Variants in SLC25A21 observed in about 807,000 individuals in gnomAD.
The protein encoded by SLC25A21 is solute carrier family 25 member 21.
A neutral mutation model predicts 43.8 loss-of-function variants in SLC25A21; 47 were observed. The observed-to-expected ratio is 1.07, with a 90% CI of 0.85 to 1.37. SLC25A21 has a LOEUF of 1.37. SLC25A21 is among the 40% of genes most tolerant of loss of function. The probability of loss-of-function intolerance (pLI) is 0.00; values close to 1 mark genes in which losing one functional copy is unlikely to be tolerated. For synonymous variants in SLC25A21, 131 were observed against 121.3 expected (o/e 1.08, Z -0.52); for missense variants, 352 against 350.2 (o/e 1.00, Z -0.04).
intron 7 of SLC25A21, among the ~76,000 whole-genome samples, chr14:36,698,945 T>C (rs1566509074): frequency 6.6e-6 from 1 of 152,170 alleles, no homozygotes; most frequent in African/African-American, 2.4e-5. Flanking sequence ...TCATTCTCCG[T>C]TCAGCTTTGT....
intron 1 of SLC25A21, among the ~76,000 whole-genome samples, chr14:37,107,515 C>T (rs1230018430): frequency 6.6e-6 from 1 of 151,994 alleles, no homozygotes; most frequent in Non-Finnish European, 1.5e-5. Flanking sequence ...TGGCTTTTAA[C>T]ATTTCCTATT....
chr14:36,715,246 A>G (rs1465110885), intron 6 of SLC25A21, among the ~76,000 whole-genome samples: 1 of 152,224 alleles, frequency 6.6e-6, no homozygotes, highest in Non-Finnish European at 1.5e-5. Flanking sequence ...TAATAGTATG[A>G]TAGTGTGTTT....
At chr14:36,959,279 CTTTG>C (rs906064358) in intron 1 of SLC25A21, among the ~76,000 whole-genome samples, 3 of 152,198 alleles carry the variant, frequency 2.0e-5, no homozygotes, top group Non-Finnish European at 4.4e-5. Flanking sequence ...GGGTTGCCTG[CTTTG>C]ACTGTTAGAT....
intron 1 of SLC25A21, among the ~76,000 whole-genome samples, chr14:37,124,063 T>A (rs981138248): frequency 1.3e-5 from 2 of 151,074 alleles, no homozygotes; most frequent in African/African-American, 4.9e-5. Flanking sequence ...CAGGCTGGAG[T>A]GCAGTGGTGC....
intron 1 of SLC25A21, among the ~76,000 whole-genome samples, chr14:37,137,639 T>C (rs17106412): frequency 0.029 from 4,405 of 152,328 alleles, 145 homozygotes; most frequent in Admixed American, 0.094. Flanking sequence ...TACTACATTG[T>C]AGGATCATGA....
intron 1 of SLC25A21, among the ~76,000 whole-genome samples, chr14:36,926,683 G>A (rs537056802): frequency 6.6e-6 from 1 of 152,250 alleles, no homozygotes; most frequent in Non-Finnish European, 1.5e-5. Flanking sequence ...TTATAACTCT[G>A]AATTCCACAG....
chr14:36,946,467 C>T (rs75062817), intron 1 of SLC25A21, among the ~76,000 whole-genome samples: 9,302 of 152,018 alleles, frequency 0.061, 408 homozygotes, highest in Middle Eastern at 0.15. Flanking sequence ...TGATTCCATA[C>T]GTAAATAATA....
At chr14:37,111,245 A>T (rs1197137033) in intron 1 of SLC25A21, among the ~76,000 whole-genome samples, 1 of 152,174 alleles carries the variant, frequency 6.6e-6, no homozygotes, top group Non-Finnish European at 1.5e-5. Flanking sequence ...ACAAAAAGGC[A>T]GCAAGAAACC....
At chr14:37,116,164 C>T (rs982162635) in intron 1 of SLC25A21, among the ~76,000 whole-genome samples, 4 of 152,032 alleles carry the variant, frequency 2.6e-5, no homozygotes, top group African/African-American at 4.8e-5. Flanking sequence ...AAGCACTAAG[C>T]GAATACATGT....
At chr14:37,138,781 T>A (rs1354270599) in intron 1 of SLC25A21, among the ~76,000 whole-genome samples, 1 of 152,128 alleles carries the variant, frequency 6.6e-6, no homozygotes, top group African/African-American at 2.4e-5. Flanking sequence ...AAAAAATTAG[T>A]TCTGAAAAAG....
intron 7 of SLC25A21, among the ~76,000 whole-genome samples, chr14:36,707,490 G>A (rs918906245): frequency 6.6e-6 from 1 of 152,016 alleles, no homozygotes; most frequent in African/African-American, 2.4e-5. Context: ...CCAACCTAAG[G>A]AGCCCCAGTG....
intron 1 of SLC25A21, among the ~76,000 whole-genome samples, chr14:37,040,147 C>A (rs1203940556): frequency 2.0e-5 from 3 of 148,382 alleles, no homozygotes; most frequent in Non-Finnish European, 4.4e-5. Flanking sequence ...TTGCAGTGAA[C>A]CAAGATTGAG....
intron 2 of SLC25A21, among the ~76,000 whole-genome samples, chr14:36,853,710 G>T (rs1889812988): frequency 6.6e-6 from 1 of 152,176 alleles, no homozygotes; most frequent in Non-Finnish European, 1.5e-5. Context: ...GGCTAGTCTT[G>T]GTTCTGCTGG....
At chr14:36,895,811 C>T (rs1891221649) in intron 1 of SLC25A21, among the ~76,000 whole-genome samples, 1 of 152,220 alleles carries the variant, frequency 6.6e-6, no homozygotes, top group Non-Finnish European at 1.5e-5. Flanking sequence ...AGTAGTCATT[C>T]AGGAGCAAGT....
intron 1 of SLC25A21, among the ~76,000 whole-genome samples, chr14:36,926,997 C>G (rs1489710464): frequency 6.6e-6 from 1 of 151,914 alleles, no homozygotes; most frequent in Non-Finnish European, 1.5e-5. Flanking sequence ...TGGTGAAACC[C>G]CAACTCTACT....
At chr14:37,127,152 A>C in intron 1 of SLC25A21, among the ~76,000 whole-genome samples, 1 of 152,180 alleles carries the variant, frequency 6.6e-6, no homozygotes, top group East Asian at 1.9e-4. Context: ...CTGGACAAAG[A>C]ATAACAACCA....
chr14:36,797,734 A>C (rs1193111945), intron 3 of SLC25A21, among the ~76,000 whole-genome samples: 1 of 152,218 alleles, frequency 6.6e-6, no homozygotes, highest in Non-Finnish European at 1.5e-5. Flanking sequence ...AAGAGCATTA[A>C]AGAAATCAAC....
intron 3 of SLC25A21, among the ~76,000 whole-genome samples, chr14:36,754,975 T>C (rs1885869255): frequency 6.6e-6 from 1 of 152,070 alleles, no homozygotes; most frequent in Non-Finnish European, 1.5e-5. Flanking sequence ...ATCTTTAAAG[T>C]CTGAATTATG....
chr14:37,081,983 A>G (rs1227631049), intron 1 of SLC25A21, among the ~76,000 whole-genome samples: 1 of 152,134 alleles, frequency 6.6e-6, no homozygotes, highest in African/African-American at 2.4e-5. Context: ...CTATAGAAGT[A>G]CCCTTTCCAA....
Sources: gnomAD v4.1 joint callset for allele counts (sites outside exome capture counted in the v4.1 genomes callset) on GRCh38, gnomAD v4.1.1 for gene constraint, MANE v1.5 for transcripts, NCBI Gene and HGNC (gene_info 2026-07-23, HGNC 2026-07-21) for gene names.